Variants in DUOX1 observed in about 807,000 individuals in gnomAD.
DUOX1 encodes the protein NADPH thyroid oxidase 1.
A neutral mutation model predicts 181.8 loss-of-function variants in DUOX1; 134 were observed. The observed-to-expected ratio is 0.74, with a 90% CI of 0.64 to 0.85. The LOEUF (loss-of-function observed/expected upper bound fraction) is 0.85, where lower values mean the gene tolerates loss of function less well. Among genes scored for constraint, DUOX1 ranks in the 40% least tolerant of loss-of-function variants. DUOX1 has a pLI of 0.00. For missense variants in DUOX1, 1,814 were observed against 2,064.4 expected (o/e 0.88, Z 2.35); for synonymous variants, 798 against 832.5 (o/e 0.96, Z 0.71).
At chr15:45,132,958 C>G (rs1567006371) in intron 2 of DUOX1, among the ~76,000 whole-genome samples, 2 of 152,172 alleles carry the variant, frequency 1.3e-5, no homozygotes, top group African/African-American at 4.8e-5. Context: ...CATTTTCCCC[C>G]CTGACTCTCT....
At chr15:45,150,727 G>C (rs765291948) in intron 22 of DUOX1, 26 bp downstream of exon 22, 3 of 1,612,152 alleles carry the variant, frequency 1.9e-6, no homozygotes, top group Non-Finnish European at 1.7e-6. Context: ...GGAATGTCGG[G>C]GGGAGGAGTT....
At chr15:45,159,272 G>GA (rs1344879899) in intron 28 of DUOX1, among the ~76,000 whole-genome samples, 1 of 152,256 alleles carries the variant, frequency 6.6e-6, no homozygotes, top group Admixed American at 6.5e-5. Flanking sequence ...CATAGAAAGA[G>GA]ATGAGCAGAG....
chr15:45,138,080 G>GTGTT, intron 10 of DUOX1, 66 bp downstream of exon 10: 1 of 786,474 alleles, frequency 1.3e-6, no homozygotes, highest in Non-Finnish European at 1.8e-6. Context: ...GTGTGTGTAT[G>GTGTT]TGTGTGTGTG....
intron 25 of DUOX1, 78 bp downstream of exon 25, chr15:45,152,594 C>G (rs775704703): frequency 9.1e-6 from 12 of 1,315,582 alleles, no homozygotes; most frequent in Non-Finnish European, 1.2e-5. Flanking sequence ...GAGCCCCCCT[C>G]TCTGCTGGCA....
chr15:45,153,910 AT>A, intron 26 of DUOX1, 40 bp from the exon 27 acceptor site: 1 of 1,533,418 alleles, frequency 6.5e-7, no homozygotes, highest in East Asian at 2.2e-5. Context: ...AGAGAGAGAG[AT>A]CTCCTCTCAA....
intron 33 of DUOX1, 65 bp from the exon 34 acceptor site, chr15:45,164,714 C>T: frequency 6.2e-7 from 1 of 1,601,594 alleles, no homozygotes; most frequent in Non-Finnish European, 8.5e-7. Flanking sequence ...ACCCCTTCCT[C>T]TGAACACTGC....
At chr15:45,141,178 C>T in intron 13 of DUOX1, 108 bp downstream of exon 13, 1 of 1,562,782 alleles carries the variant, frequency 6.4e-7, no homozygotes. Flanking sequence ...GCCAGCCCAC[C>T]ACCCACTTCC....
chr15:45,153,295 G>T, intron 25 of DUOX1, 85 bp from the exon 26 acceptor site: 1 of 985,682 alleles, frequency 1.0e-6, no homozygotes, highest in South Asian at 1.3e-5. Context: ...CCCCCACTCT[G>T]GCCAGGGTCC....
intron 21 of DUOX1, among the ~76,000 whole-genome samples, chr15:45,148,830 C>T (rs1323143134): frequency 6.6e-6 from 1 of 151,894 alleles, no homozygotes; most frequent in Non-Finnish European, 1.5e-5. Context: ...GTGCCCAGGG[C>T]AGGGGGAGAC....
chr15:45,136,756 G>T, intron 9 of DUOX1, 131 bp downstream of exon 9: 1 of 791,170 alleles, frequency 1.3e-6, no homozygotes, highest in Non-Finnish European at 2.0e-6. Flanking sequence ...CGATAGAGAG[G>T]GGAAGAAAAC....
At position 45,152,055 on chromosome 15, in the gene DUOX1, G is replaced by A; in HGVS notation, c.3193+3G>A. ...GCTTTTCCTGGAGAGGGCCTACTGTGAGTGACTTTACTTACCACGAGCCCT... is the reference window on the plus strand; with the variant it reads ...GCTTTTCCTGGAGAGGGCCTACTGTAAGTGACTTTACTTACCACGAGCCCT... On this transcript the variant is annotated splice_donor_region_variant and intron_variant, in intron 24 of 33. Coordinates refer to ENST00000389037, the MANE Select transcript of DUOX1 (RefSeq NM_175940.3). 6.2e-7 allele frequency: 1 copy of A among 1,612,858 alleles called. No individual in the cohort carries two copies. Among genetic ancestry groups the A allele is most frequent in the Non-Finnish European group, 8.5e-7 (1 of 1,179,196 alleles).
In DUOX1 at chr15:45,147,646, G is replaced by A. The variant is rs1412867917; in HGVS notation, c.2536G>A (p.Val846Ile). The A allele has an allele frequency of 6.2e-7, 1 of 1,614,066 alleles. No individual in the cohort carries two copies. The highest frequency in any genetic ancestry group is 1.3e-5 in the African/African-American group (1 of 74,938). The part of the protein sequence containing the change: ...SFREFLDILV[V>I]FMKGSPEEKS... ...CCGAGAGTTCCTGGACATCCTGGTG[G>A]TCTTCATGAAAGGTGAGGGAGGAGG... Residue 846 changes from valine to isoleucine, a missense_variant, in exon 19 of 34, where the codon GTC becomes ATC. Coordinates refer to ENST00000389037, the MANE Select transcript of DUOX1 (RefSeq NM_175940.3).
Position 45,165,241 on chromosome 15 carries a change from CT to C in DUOX1, c.*341del, listed in dbSNP as rs574159673. On this transcript the variant is annotated 3_prime_UTR_variant, in exon 34 of 34. Coordinates refer to ENST00000389037, the MANE Select transcript of DUOX1 (RefSeq NM_175940.3). ...TGACAAGTACTATGTGTGTGCATGTCTGTATGTGTGTTGGGGCGGTGAGTGT... is the reference window on the plus strand; with the variant it reads ...TGACAAGTACTATGTGTGTGCATGTCGTATGTGTGTTGGGGCGGTGAGTGT... 233 of 317,234 alleles carry C rather than the reference CT, an allele frequency of 7.3e-4. 5 individuals carry two copies. In the South Asian group the frequency reaches 0.011, roughly 15 times the overall value. 19.7% of individuals were successfully genotyped at this position (317,234 alleles called of 1,614,324 possible).
intron 29 of DUOX1, 138 bp from the exon 30 acceptor site, chr15:45,161,600 C>T: frequency 2.6e-6 from 2 of 762,188 alleles, no homozygotes; most frequent in Non-Finnish European, 4.3e-6. Flanking sequence ...TGGGCCCCCA[C>T]AGGGTGAGCT....
chr15:45,143,123 G>A (rs1057160689), intron 15 of DUOX1, 67 bp from the exon 16 acceptor site: 39 of 1,257,058 alleles, frequency 3.1e-5, no homozygotes, highest in Non-Finnish European at 3.9e-5. Context: ...GTAAGGAGCT[G>A]AGAAAGGAGC....
At chr15:45,149,666 T>C (rs1039077176) in intron 21 of DUOX1, among the ~76,000 whole-genome samples, 13 of 152,226 alleles carry the variant, frequency 8.5e-5, no homozygotes, top group Middle Eastern at 6.8e-3. Context: ...CTGGCCAACA[T>C]AGAGAAACCC....
intron 2 of DUOX1, among the ~76,000 whole-genome samples, chr15:45,132,999 C>T (rs1896192527): frequency 6.6e-5 from 10 of 152,150 alleles, no homozygotes; most frequent in Admixed American, 5.9e-4. Flanking sequence ...TGCGTCTGTT[C>T]TCTGAAGTGA....
chr15:45,130,674 A>T (rs140646660), intron 1 of DUOX1, among the ~76,000 whole-genome samples: 49 of 152,246 alleles, frequency 3.2e-4, no homozygotes, highest in African/African-American at 1.1e-3. Flanking sequence ...ATTAAGGGCA[A>T]CCCACCCACA....
rs753564794 is a variant in DUOX1, at chr15:45,153,493, AATGTGTGTGTGT to A, written c.3524+15_3524+26del. ...CCATGATGATGGGTGAGTAAGTGCG[AATGTGTGTGTGT>A]GTGTGTGTGTGTGTGTGTGTGTGTG... On this transcript the variant is annotated intron_variant, in intron 26 of 33. Transcript: ENST00000389037. 70 of 1,193,352 alleles carry A rather than the reference AATGTGTGTGTGT, an allele frequency of 5.9e-5. 1 individual carries two copies. Among genetic ancestry groups the A allele is most frequent in the Non-Finnish European group, 7.8e-5 (63 of 806,934 alleles). The allele number at this position is 1,193,352 out of a possible 1,614,324, so 73.9% of individuals were successfully genotyped here.
Sources: gnomAD v4.1 joint callset for allele counts (sites outside exome capture counted in the v4.1 genomes callset) on GRCh38, gnomAD v4.1.1 for gene constraint, MANE v1.5 for transcripts, NCBI Gene and HGNC (gene_info 2026-07-23, HGNC 2026-07-21) for gene names.